NKAIN2: variants seen among roughly 807,000 people sequenced by gnomAD.
NKAIN2 encodes the protein sodium/potassium-transporting ATPase subunit beta-1-interacting protein 2.
A neutral mutation model predicts 32.6 loss-of-function variants in NKAIN2; 14 were observed. The ratio of observed to expected loss-of-function variants is 0.43; its 90% CI spans 0.28 to 0.67. NKAIN2 has a LOEUF of 0.67. Ranked by LOEUF, NKAIN2 falls within the 30% of genes least tolerant of loss-of-function variation. NKAIN2 has a pLI of 0.17. For missense variants in NKAIN2, 198 were observed against 258.3 expected, an observed-to-expected ratio of 0.77 and a Z score of 1.60; for synonymous variants, 80 against 87.2, an observed-to-expected ratio of 0.92 and a Z score of 0.46.
In NKAIN2 at chr6:124,014,585, A is replaced by G. The variant is rs375273659; in HGVS notation, c.54+210331A>G. Among the ~76,000 whole-genome samples the G allele has an allele frequency of 1.8e-4, 27 of 152,142 alleles. 1 individual carries two copies. In the South Asian group the frequency reaches 5.2e-3, roughly 29 times the overall value. On this transcript the variant is annotated intron_variant, in intron 1 of 6. Transcript: ENST00000368417. The stretch of plus-strand genomic sequence containing the variant: ...CATTGCTTTTACTATCTAGGAGTCT[A>G]TGCTTTTCTGTTTCTGCCTCCCTTT...
chr6:124,704,028 A>G (rs1332521130), intron 4 of NKAIN2, among the ~76,000 whole-genome samples: 1 of 152,004 alleles, frequency 6.6e-6, no homozygotes, highest in African/African-American at 2.4e-5. Context: ...CCAGAATCAT[A>G]ATTGCATGTA....
At chr6:124,070,299 C>G (rs1472182278) in intron 1 of NKAIN2, among the ~76,000 whole-genome samples, 1 of 152,144 alleles carries the variant, frequency 6.6e-6, no homozygotes, top group East Asian at 1.9e-4. Context: ...AACCTCTGAC[C>G]AAGAGGCACA....
chr6:124,316,872 G>T (rs1358180328), intron 2 of NKAIN2, among the ~76,000 whole-genome samples: 1 of 151,844 alleles, frequency 6.6e-6, no homozygotes, highest in African/African-American at 2.4e-5. Flanking sequence ...GCACCTTCTG[G>T]ATTCAAAGAT....
Position 124,498,577 on chromosome 6 carries a change from A to G in NKAIN2, c.273+143230A>G, listed in dbSNP as rs145928476. On this transcript the variant is annotated intron_variant, in intron 3 of 6. Transcript: ENST00000368417. ...AGCTAGATTATGACAGAACCCACAG[A>G]AATACATCATACACTGTGAAACAGA... 3.0e-4 allele frequency among the ~76,000 whole-genome samples: 45 copies of G among 152,314 alleles called. No individual in the cohort carries two copies. In the East Asian group the frequency reaches 5.8e-3, roughly 20 times the overall value.
intron 3 of NKAIN2, among the ~76,000 whole-genome samples, chr6:124,592,501 C>T (rs542101463): frequency 5.3e-5 from 8 of 152,308 alleles, no homozygotes; most frequent in Admixed American, 4.6e-4. Flanking sequence ...TGATTCCTAA[C>T]ACTTCACTGT....
intron 1 of NKAIN2, among the ~76,000 whole-genome samples, chr6:124,013,647 C>A (rs1235196420): frequency 2.0e-5 from 3 of 152,136 alleles, no homozygotes. Context: ...AAAATCTGTG[C>A]ATATGTTACC....
At chr6:123,918,567 G>A (rs1457119163) in intron 1 of NKAIN2, among the ~76,000 whole-genome samples, 1 of 152,080 alleles carries the variant, frequency 6.6e-6, no homozygotes, top group Non-Finnish European at 1.5e-5. Context: ...GCTAGTCCAT[G>A]GCACCCAGGT....
intron 4 of NKAIN2, among the ~76,000 whole-genome samples, chr6:124,752,623 T>C (rs1354150026): frequency 6.6e-6 from 1 of 151,942 alleles, no homozygotes; most frequent in Non-Finnish European, 1.5e-5. Flanking sequence ...TTTCACAGGA[T>C]GACAGTCCCA....
intron 1 of NKAIN2, among the ~76,000 whole-genome samples, chr6:123,826,086 A>G (rs1774135626): frequency 6.6e-6 from 1 of 152,138 alleles, no homozygotes; most frequent in Non-Finnish European, 1.5e-5. Context: ...ATTCTATGGT[A>G]TTCTTCGGCC....
intron 1 of NKAIN2, among the ~76,000 whole-genome samples, chr6:124,118,199 C>G (rs776426834): frequency 5.5e-4 from 83 of 152,094 alleles, no homozygotes; most frequent in Non-Finnish European, 9.9e-4. Context: ...AGAACTGATA[C>G]TCTCATTTAT....
chr6:124,111,357 T>C (rs1316887614), intron 1 of NKAIN2, among the ~76,000 whole-genome samples: 1 of 149,742 alleles, frequency 6.7e-6, no homozygotes, highest in East Asian at 1.9e-4. Context: ...GTTCTGTCAA[T>C]GTTTGCTTTA....
intron 3 of NKAIN2, among the ~76,000 whole-genome samples, chr6:124,424,079 T>C (rs1330431224): frequency 6.6e-6 from 1 of 152,078 alleles, no homozygotes; most frequent in Non-Finnish European, 1.5e-5. Flanking sequence ...CTGCAAGCTC[T>C]GCCTCCCGGG....
At chr6:124,000,249 A>G (rs967134804) in intron 1 of NKAIN2, among the ~76,000 whole-genome samples, 2 of 152,004 alleles carry the variant, frequency 1.3e-5, no homozygotes, top group Admixed American at 6.6e-5. Flanking sequence ...ATATACATCT[A>G]TTTTCTTAAT....
At chr6:124,763,198 A>C (rs1778353564) in intron 4 of NKAIN2, among the ~76,000 whole-genome samples, 1 of 152,232 alleles carries the variant, frequency 6.6e-6, no homozygotes, top group Non-Finnish European at 1.5e-5. Context: ...AGACAGAAGG[A>C]ATAAATTCAA....
chr6:124,303,718 A>C (rs936320995), intron 2 of NKAIN2, among the ~76,000 whole-genome samples: 3 of 152,206 alleles, frequency 2.0e-5, no homozygotes, highest in African/African-American at 4.8e-5. Flanking sequence ...TATAATAATC[A>C]ATCTGGAGAC....
intron 1 of NKAIN2, among the ~76,000 whole-genome samples, chr6:124,115,378 T>A (rs980738970): frequency 6.6e-6 from 1 of 152,168 alleles, no homozygotes; most frequent in Non-Finnish European, 1.5e-5. Flanking sequence ...GTCATGTGCC[T>A]TCACATATTC....
At chr6:124,692,068 G>C (rs891189294) in intron 4 of NKAIN2, among the ~76,000 whole-genome samples, 5 of 152,032 alleles carry the variant, frequency 3.3e-5, no homozygotes, top group African/African-American at 1.2e-4. Context: ...TCTATTAAAA[G>C]GGCCTAAAAT....
intron 1 of NKAIN2, among the ~76,000 whole-genome samples, chr6:124,034,198 T>C (rs1781515487): frequency 6.6e-6 from 1 of 152,056 alleles, no homozygotes; most frequent in South Asian, 2.1e-4. Context: ...CATGTAATGC[T>C]GGGGCTTCGA....
intron 1 of NKAIN2, among the ~76,000 whole-genome samples, chr6:124,233,131 A>C (rs561113183): frequency 2.7e-4 from 41 of 152,226 alleles, no homozygotes; most frequent in Admixed American, 1.1e-3. Context: ...CACAACAATC[A>C]AAATTTTGTA....
Sources: allele counts gnomAD v4.1 joint callset (sites outside exome capture counted in the v4.1 genomes callset), GRCh38; gene constraint gnomAD v4.1.1; transcripts MANE v1.5; gene names NCBI Gene and HGNC (gene_info 2026-07-23, HGNC 2026-07-21).